Variants in TVP23C observed in about 807,000 individuals in gnomAD.
TVP23C encodes the protein trans-golgi network vesicle protein 23 homolog C.
A neutral mutation model predicts 28.7 loss-of-function variants in TVP23C; 19 were observed. The ratio of observed to expected loss-of-function variants is 0.66; its 90% CI spans 0.46 to 0.97. The LOEUF (loss-of-function observed/expected upper bound fraction) is 0.97. TVP23C is among the 50% of genes least tolerant of loss of function. TVP23C has a pLI of 0.00. For missense variants in TVP23C, 186 were observed against 241.3 expected (o/e 0.77, Z 1.52); for synonymous variants, 68 against 81.7 (o/e 0.83, Z 0.90).
Position 15,520,946 on chromosome 17 carries a change from G to A in TVP23C, c.463-17714C>T, listed in dbSNP as rs376117099. On this transcript the variant is annotated intron_variant, in intron 5 of 5. Coordinates refer to the TVP23C transcript ENST00000225576. ...AAATGAACCTTTAAAAAAATGTGAT[G>A]GCATAAAATACTACTAATGATAGCA... Among the ~76,000 whole-genome samples the A allele has an allele frequency of 1.3e-4, 19 of 150,844 alleles. No individual in the cohort carries two copies. In the East Asian group the frequency reaches 3.5e-3, roughly 28 times the overall value.
chr17:15,518,608 G>A (rs1982334825), intron 5 of TVP23C, among the ~76,000 whole-genome samples: 1 of 152,202 alleles, frequency 6.6e-6, no homozygotes, highest in South Asian at 2.1e-4. Flanking sequence ...CAAACAGACA[G>A]TGTCTGTGCT....
chr17:15,524,656 G>A (rs1333923336), intron 5 of TVP23C, among the ~76,000 whole-genome samples: 1 of 152,170 alleles, frequency 6.6e-6, no homozygotes, highest in East Asian at 1.9e-4. Flanking sequence ...TCTGGGTGGT[G>A]TCCTCTTCTC....
At chr17:15,557,471 G>T (rs1314558496) in intron 1 of TVP23C, among the ~76,000 whole-genome samples, 1 of 148,112 alleles carries the variant, frequency 6.8e-6, no homozygotes, top group Non-Finnish European at 1.5e-5. Context: ...GCTAATTTTT[G>T]TAATTTTAGA....
At chr17:15,548,186 GAC>G (rs769708173) in intron 3 of TVP23C, among the ~76,000 whole-genome samples, 11 of 151,890 alleles carry the variant, frequency 7.2e-5, no homozygotes, top group Non-Finnish European at 1.0e-4. Context: ...TTGTTTTTGA[GAC>G]AGAGTTTCGC....
chr17:15,526,137 T>C (rs1400213856), intron 5 of TVP23C, among the ~76,000 whole-genome samples: 1 of 152,172 alleles, frequency 6.6e-6, no homozygotes, highest in Admixed American at 6.5e-5. Flanking sequence ...ACAGACACAG[T>C]TGCTGTAGAC....
rs549547647 is a variant in TVP23C, at chr17:15,548,509, A to G, written c.241-1361T>C. On this transcript the variant is annotated intron_variant, in intron 3 of 5. Coordinates refer to ENST00000518321, the MANE Select transcript of TVP23C (RefSeq NM_001135036.2). ...CACCACTGCTTTGAAAGTAGTTAGCATATCATTAAATTATGAATGTAGACA... is the reference window on the plus strand; with the variant it reads ...CACCACTGCTTTGAAAGTAGTTAGCGTATCATTAAATTATGAATGTAGACA... Among the ~76,000 whole-genome samples, 192 of 152,368 alleles carry G rather than the reference A, an allele frequency of 1.3e-3. 1 individual carries two copies. Among genetic ancestry groups the G allele is most frequent in the Non-Finnish European group, 1.9e-3 (131 of 68,040 alleles).
At chr17:15,535,224 C>A (rs2654275), downstream of TVP23C, among the ~76,000 whole-genome samples, 8 of 152,200 alleles carry the variant, frequency 5.3e-5, no homozygotes, top group Non-Finnish European at 1.2e-4. Context: ...TCTATGTACC[C>A]TTCTATAGAA....
At chr17:15,502,605 T>TG in exon 6 of TVP23C, 1 of 487,376 alleles carries the variant, frequency 2.1e-6, no homozygotes, top group Non-Finnish European at 3.4e-6. Flanking sequence ...GCAGGCGTGC[T>TG]GGGGGCTGCT....
intron 5 of TVP23C, chr17:15,506,961 G>A (rs946932991): frequency 1.5e-5 from 19 of 1,226,280 alleles, no homozygotes; most frequent in Non-Finnish European, 1.8e-5. Flanking sequence ...TTCCAAAGAC[G>A]GCAGAAAACT....
intron 5 of TVP23C, among the ~76,000 whole-genome samples, chr17:15,542,433 T>G: frequency 6.6e-6 from 1 of 152,220 alleles, no homozygotes; most frequent in Admixed American, 6.5e-5. Context: ...ATTCCCGTCC[T>G]GTGGTCTTAA....
chr17:15,511,198 G>A (rs929298122), intron 5 of TVP23C, among the ~76,000 whole-genome samples: 3 of 152,192 alleles, frequency 2.0e-5, no homozygotes, highest in South Asian at 2.1e-4. Context: ...ACAGTAGAGA[G>A]GTTTTATGAA....
intron 5 of TVP23C, among the ~76,000 whole-genome samples, chr17:15,524,066 GTGT>G (rs1567634733): frequency 2.1e-3 from 85 of 40,238 alleles, no homozygotes; most frequent in African/African-American, 7.7e-3. Flanking sequence ...AGAGTGGGGT[GTGT>G]GTGTGTGTGT....
chr17:15,541,741 G>A (rs1360819393), intron 5 of TVP23C, among the ~76,000 whole-genome samples: 4 of 152,094 alleles, frequency 2.6e-5, no homozygotes, highest in Admixed American at 2.0e-4. Flanking sequence ...GGAATTAAAC[G>A]TGTTAGTGTA....
intron 3 of TVP23C, among the ~76,000 whole-genome samples, chr17:15,550,757 A>G (rs1179671537): frequency 2.0e-5 from 3 of 152,124 alleles, no homozygotes; most frequent in Admixed American, 6.5e-5. Context: ...TAATAATACA[A>G]TGCCAAGTTT....
chr17:15,552,510 C>T (rs928460862), intron 3 of TVP23C, among the ~76,000 whole-genome samples: 6 of 151,940 alleles, frequency 3.9e-5, no homozygotes, highest in East Asian at 1.9e-4. Flanking sequence ...GGAGAAACCC[C>T]GTCTGTACTA....
intron 5 of TVP23C, among the ~76,000 whole-genome samples, chr17:15,506,235 G>A (rs888777204): frequency 1.3e-5 from 2 of 152,240 alleles, no homozygotes; most frequent in Non-Finnish European, 2.9e-5. Flanking sequence ...TTTAGCTCAA[G>A]GTTTGTGAGT....
At chr17:15,529,917 G>A (rs60872659) in intron 5 of TVP23C, among the ~76,000 whole-genome samples, 8,331 of 151,998 alleles carry the variant, frequency 0.055, 767 homozygotes, top group African/African-American at 0.19. Context: ...TCATCCCTCA[G>A]CCTCCAGAGT....
At chr17:15,516,996 C>T (rs1444552325) in intron 5 of TVP23C, among the ~76,000 whole-genome samples, 1 of 152,208 alleles carries the variant, frequency 6.6e-6, no homozygotes, top group African/African-American at 2.4e-5. Flanking sequence ...CATATCTATT[C>T]AAGTGGTGAG....
chr17:15,533,982 T>A (rs1489492427), downstream of TVP23C, among the ~76,000 whole-genome samples: 1 of 152,174 alleles, frequency 6.6e-6, no homozygotes, highest in Non-Finnish European at 1.5e-5. Flanking sequence ...CTATGGAGTG[T>A]CTTAATTTTT....
Sources: allele counts gnomAD v4.1 joint callset (sites outside exome capture counted in the v4.1 genomes callset), GRCh38; gene constraint gnomAD v4.1.1; transcripts MANE v1.5; gene names NCBI Gene and HGNC (gene_info 2026-07-23, HGNC 2026-07-21).